The following HDHD2 variants were observed in gnomAD, a reference collection of about 807,000 sequenced individuals.
HDHD2 encodes the protein haloacid dehalogenase-like hydrolase domain-containing protein 2.
In HDHD2, 26 loss-of-function variants were observed where a neutral mutation model predicts 24.8. That is an observed-to-expected ratio of 1.05 (90% CI 0.77 to 1.45). HDHD2 has a LOEUF of 1.45. Ranked by LOEUF, HDHD2 falls within the 40% of genes most tolerant of loss-of-function variation. The pLI, the probability that HDHD2 is intolerant of heterozygous loss-of-function variation, is 0.00. For synonymous variants in HDHD2, 128 were observed against 114.9 expected (o/e 1.11, Z -0.73); for missense variants, 299 against 313.4 (o/e 0.95, Z 0.35).
Position 47,123,922 on chromosome 18 carries a change from T to A in HDHD2, c.395+6322A>T, listed in dbSNP as rs527527643. On this transcript the variant is annotated intron_variant, in intron 4 of 6. Coordinates refer to ENST00000300605, the MANE Select transcript of HDHD2 (RefSeq NM_032124.5). ...GTAGAATAGCCAAGACAATCTTAAA[T>A]AATAAAGTTGGAGGATGTACACTAC... is the stretch of plus-strand genomic sequence containing the variant. 3.4e-4 allele frequency among the ~76,000 whole-genome samples: 52 copies of A among 152,306 alleles called. 1 individual carries two copies. Among genetic ancestry groups the A allele is most frequent in the African/African-American group, 1.3e-3 (52 of 41,578 alleles).
chr18:47,126,448 A>G (rs2063658616), intron 4 of HDHD2, among the ~76,000 whole-genome samples: 1 of 152,182 alleles, frequency 6.6e-6, no homozygotes, highest in African/African-American at 2.4e-5. Flanking sequence ...ACAGTCAACA[A>G]AGACTTCTTA....
chr18:47,112,209 G>A (rs1245512690), intron 6 of HDHD2, among the ~76,000 whole-genome samples: 1 of 152,160 alleles, frequency 6.6e-6, no homozygotes, highest in Non-Finnish European at 1.5e-5. Flanking sequence ...TATCTCGAAA[G>A]GACTTTATCA....
intron 2 of HDHD2, among the ~76,000 whole-genome samples, chr18:47,135,889 C>T (rs1488796465): frequency 1.3e-5 from 2 of 152,112 alleles, no homozygotes; most frequent in Admixed American, 6.6e-5. Flanking sequence ...GGAAATAACA[C>T]AAAAATTTCA....
At chr18:47,138,048 C>T (rs138955097) in intron 1 of HDHD2, among the ~76,000 whole-genome samples, 4,199 of 151,662 alleles carry the variant, frequency 0.028, 171 homozygotes, top group African/African-American at 0.097. Context: ...TGCCTGTAAT[C>T]CCAGCTACTA....
chr18:47,136,979 T>C (rs766501731), intron 1 of HDHD2: 66 of 572,132 alleles, frequency 1.2e-4, no homozygotes, highest in Non-Finnish European at 2.0e-4. Context: ...ATGGTACCTC[T>C]TTTGTGAAGT....
chr18:47,130,172 T>C (rs994994624), intron 4 of HDHD2, 72 bp downstream of exon 4: 10 of 949,810 alleles, frequency 1.1e-5, no homozygotes, highest in Non-Finnish European at 1.6e-5. Flanking sequence ...ATAAACCCAT[T>C]CATGACAATG....
At position 47,130,460 on chromosome 18, in the gene HDHD2, G is replaced by C. The variant is rs976286162; in HGVS notation, c.311-132C>G. ...AATTTAAAATTTAATAGATTATCCT[G>C]CCCAGTGTACTTTGGAAGTATAAGA... is the stretch of plus-strand genomic sequence containing the variant. On this transcript the variant is annotated intron_variant, in intron 3 of 6. Coordinates refer to ENST00000300605, the MANE Select transcript of HDHD2 (RefSeq NM_032124.5). 4.6e-5 allele frequency: 28 copies of C among 608,774 alleles called. No individual in the cohort carries two copies. The African/African-American group carries it at 4.7e-4, about 10-fold the overall frequency. The allele number at this position is 608,774 out of a possible 1,614,324, so 37.7% of individuals were successfully genotyped here.
intron 1 of HDHD2, chr18:47,137,228 G>T: frequency 1.6e-6 from 1 of 626,230 alleles, no homozygotes; most frequent in Non-Finnish European, 3.0e-6. Context: ...CACTGAAACA[G>T]ACATACCTGC....
intron 1 of HDHD2, among the ~76,000 whole-genome samples, chr18:47,139,507 T>C (rs1447668812): frequency 6.7e-6 from 1 of 149,072 alleles, no homozygotes; most frequent in East Asian, 1.9e-4. Flanking sequence ...TTGTAGTACA[T>C]TGATAAATGT....
intron 2 of HDHD2, 116 bp from the exon 3 acceptor site, chr18:47,134,820 G>A: frequency 1.3e-6 from 1 of 753,640 alleles, no homozygotes; most frequent in Admixed American, 2.5e-5. Flanking sequence ...ATGACAATGT[G>A]TAGCCTCTTG....
chr18:47,150,425 G>A lies in HDHD2; in HGVS notation c.-58C>T, dbSNP rs2063920336. ...AGGAAAGGCCCCCGCTAATGGCAAA[G>A]CCAGCCACCCGCACTGGCCGCGGGT... On this transcript the variant is annotated 5_prime_UTR_variant, in exon 1 of 7. Transcript: ENST00000300605. The A allele has an allele frequency of 6.6e-6, 1 of 152,426 alleles. No individual in the cohort carries two copies. Among genetic ancestry groups the A allele is most frequent in the Non-Finnish European group, 1.5e-5 (1 of 68,198 alleles). The allele number at this position is 152,426 out of a possible 1,614,324, so 9.4% of individuals were successfully genotyped here. A position where few individuals can be genotyped will look rare whatever the true frequency, so the allele number is the denominator to read the frequency against.
intron 5 of HDHD2, 150 bp downstream of exon 5, chr18:47,114,982 C>G (rs2063545918): frequency 1.7e-6 from 1 of 582,722 alleles, no homozygotes; most frequent in Admixed American, 3.3e-5. Context: ...TAAACATCGA[C>G]AGGAAACCTC....
At chr18:47,133,687 T>C (rs950406167) in intron 3 of HDHD2, among the ~76,000 whole-genome samples, 1 of 152,138 alleles carries the variant, frequency 6.6e-6, no homozygotes, top group African/African-American at 2.4e-5. Flanking sequence ...TGGTGTGAGA[T>C]GATATCTCAT....
At chr18:47,111,758 A>C in intron 6 of HDHD2, 3 of 985,228 alleles carry the variant, frequency 3.0e-6, no homozygotes, top group Non-Finnish European at 3.6e-6. Context: ...CTTCTTATTC[A>C]ATTGTAGCTC....
chr18:47,114,371 G>A (rs2063540139), intron 5 of HDHD2, among the ~76,000 whole-genome samples: 1 of 152,160 alleles, frequency 6.6e-6, no homozygotes, highest in Admixed American at 6.5e-5. Flanking sequence ...TCACCTCTTT[G>A]GGCTTCAGTT....
chr18:47,131,847 G>A (rs1386843516), intron 3 of HDHD2, among the ~76,000 whole-genome samples: 1 of 152,108 alleles, frequency 6.6e-6, no homozygotes, highest in Non-Finnish European at 1.5e-5. Flanking sequence ...CACTATGAAT[G>A]AACAGGTCAA....
intron 1 of HDHD2, among the ~76,000 whole-genome samples, chr18:47,141,874 C>T (rs183025684): frequency 4.6e-5 from 7 of 152,278 alleles, no homozygotes; most frequent in East Asian, 1.9e-4. Context: ...ATAATTCCCA[C>T]GTGTCGTGGG....
chr18:47,126,264 T>C (rs1431105755), intron 4 of HDHD2, among the ~76,000 whole-genome samples: 2 of 152,228 alleles, frequency 1.3e-5, no homozygotes, highest in Admixed American at 6.5e-5. Context: ...CTCAGGGCTC[T>C]AAGTACTTAG....
intron 3 of HDHD2, among the ~76,000 whole-genome samples, chr18:47,132,679 G>C (rs2063724428): frequency 6.6e-6 from 1 of 152,178 alleles, no homozygotes; most frequent in South Asian, 2.1e-4. Flanking sequence ...CAACTCTATA[G>C]CCATGCTGAA....
Sources: gnomAD v4.1 joint callset for allele counts (sites outside exome capture counted in the v4.1 genomes callset) on GRCh38, gnomAD v4.1.1 for gene constraint, MANE v1.5 for transcripts, NCBI Gene and HGNC (gene_info 2026-07-23, HGNC 2026-07-21) for gene names.